Variants in AFF1 observed in about 807,000 individuals in gnomAD.
AFF1 encodes the protein ALF transcription elongation factor 1, also known as AF4/FMR2 family member 1.
Under a neutral mutation model 121.7 loss-of-function variants are expected in AFF1, and 48 were observed. That is an observed-to-expected ratio of 0.39 (90% CI 0.31 to 0.50). The LOEUF is 0.50. Among genes scored for constraint, AFF1 ranks in the 20% least tolerant of loss-of-function variants. The pLI, the probability that AFF1 is intolerant of heterozygous loss-of-function variation, is 0.76. For synonymous variants in AFF1, 613 were observed against 563.0 expected (o/e 1.09, Z -1.26); for missense variants, 1,523 against 1,511.7 (o/e 1.01, Z -0.12).
chr4:87,065,759 A>C (rs966924854), intron 4 of AFF1, among the ~76,000 whole-genome samples: 5 of 150,552 alleles, frequency 3.3e-5, no homozygotes, highest in Admixed American at 1.3e-4. Context: ...CCTTGTGCTT[A>C]AAGAACTTAA....
Position 87,018,429 on chromosome 4 carries a change from C to T in AFF1, c.39-27737C>T, listed in dbSNP as rs546596964. On this transcript the variant is annotated intron_variant, in intron 2 of 20. Transcript: ENST00000395146. ...CCAGGAGAACCTCTGAGGAGGGTTA[C>T]CTGAGGCAGAGAAAGAGCAAGCCAT... Among the ~76,000 whole-genome samples, 5 of 152,258 alleles carry T rather than the reference C, an allele frequency of 3.3e-5. No homozygotes were observed. In the South Asian group the frequency reaches 1.0e-3, roughly 32 times the overall value.
rs1729585081 is a variant in AFF1 at position 87,139,854 on chromosome 4, T to C, written c.*4153T>C. 1 of 224,296 alleles carries C rather than the reference T, an allele frequency of 4.5e-6. No individual in the cohort carries two copies. The highest frequency in any genetic ancestry group is 1.8e-4 in the South Asian group (1 of 5,436). 13.9% of individuals were successfully genotyped at this position (224,296 alleles called of 1,614,324 possible). ...GTTGGTTTCTCGGTGACTTGGAGTG[T>C]TCATCTCTTCATGAATTGTGAGCAC... On this transcript the variant is annotated 3_prime_UTR_variant, in exon 21 of 21. Transcript: ENST00000395146.
At chr4:87,063,794 A>G (rs747919885) in intron 4 of AFF1, among the ~76,000 whole-genome samples, 1 of 152,140 alleles carries the variant, frequency 6.6e-6, no homozygotes, top group Non-Finnish European at 1.5e-5. Context: ...CCTTTCCTTG[A>G]CATATTGTGT....
At position 87,138,500 on chromosome 4, in the gene AFF1, TGTGTGTG is replaced by T. The variant is rs1729475057; in HGVS notation, c.*2800_*2806del. 3 of 174,672 alleles carry T rather than the reference TGTGTGTG, an allele frequency of 1.7e-5. No homozygotes were observed. The South Asian group carries it at 6.4e-4, about 37-fold the overall frequency. The allele number at this position is 174,672 out of a possible 1,614,324, so 10.8% of individuals were successfully genotyped here. On this transcript the variant is annotated 3_prime_UTR_variant, in exon 21 of 21. Coordinates refer to ENST00000395146, the MANE Select transcript of AFF1 (RefSeq NM_001166693.3). ...CCTTTGGCACTACAAGGTGTGTGTG[TGTGTGTG>T]TGTGTGTGTGTGTGTCTTTAGTAGG...
chr4:87,022,618 G>C, intron 2 of AFF1, among the ~76,000 whole-genome samples: 1 of 115,312 alleles, frequency 8.7e-6, no homozygotes, highest in Non-Finnish European at 2.0e-5. Context: ...ATATATCTGT[G>C]TGTGTATATA....
rs919201887 is a variant in AFF1, at chr4:87,139,344, T to TTTTTGTTTTG, written c.*3663_*3672dup. The TTTTTGTTTTG allele has an allele frequency of 4.3e-6, 1 of 233,220 alleles. No individual in the cohort carries two copies. The highest frequency in any genetic ancestry group is 6.0e-5 in the East Asian group (1 of 16,556). The allele number at this position is 233,220 out of a possible 1,614,324, so 14.4% of individuals were successfully genotyped here. Reference sequence around the variant, plus strand: ...AGGCTGGGCTTTCGGGTTTTTTTGTTTTTTGTTTTGTTTTGTTTTGTTTTG... The same window carrying TTTTTGTTTTG: ...AGGCTGGGCTTTCGGGTTTTTTTGTTTTTTGTTTTGTTTTGTTTTGTTTTGTTTTGTTTTG... On this transcript the variant is annotated 3_prime_UTR_variant, in exon 21 of 21. Coordinates refer to ENST00000395146, the MANE Select transcript of AFF1 (RefSeq NM_001166693.3).
rs2149811542 is a variant in AFF1 at position 87,137,930 on chromosome 4, G to A, written c.*2229G>A. On this transcript the variant is annotated 3_prime_UTR_variant, in exon 21 of 21. Transcript: ENST00000395146. ...TGCCAGAGCATGTGCGTGTTCTGTTGGCAAGCCACAGTGCTCCCTTGACTG... is the reference window on the plus strand; with the variant it reads ...TGCCAGAGCATGTGCGTGTTCTGTTAGCAAGCCACAGTGCTCCCTTGACTG... 4.3e-6 allele frequency: 1 copy of A among 231,920 alleles called. No individual in the cohort carries two copies. 14.4% of individuals were successfully genotyped at this position (231,920 alleles called of 1,614,324 possible).
chr4:87,010,856 A>G (rs1385588794), intron 2 of AFF1, among the ~76,000 whole-genome samples: 2 of 152,160 alleles, frequency 1.3e-5, no homozygotes, highest in Admixed American at 1.3e-4. Context: ...TGGGAGGCCG[A>G]GGCAGGCGGA....
At chr4:87,046,442 A>G (rs544685060) in intron 3 of AFF1, among the ~76,000 whole-genome samples, 156 bp downstream of exon 3, 1 of 152,370 alleles carries the variant, frequency 6.6e-6, no homozygotes, top group Non-Finnish European at 1.5e-5. Context: ...AAAACAAAGT[A>G]TGAAAATTCT....
chr4:86,995,271 CCCCTCCCCCTCTCCCTCCCCCTCT>C (rs371586399), intron 2 of AFF1, among the ~76,000 whole-genome samples: 1 of 92,438 alleles, frequency 1.1e-5, no homozygotes, highest in African/African-American at 3.7e-5. Flanking sequence ...TACCCCCTTC[CCCCTCCCCCTCTCCCTCCCCCTCT>C]CCCTCCCTCC....
At chr4:87,040,298 G>A (rs1730005860) in intron 2 of AFF1, among the ~76,000 whole-genome samples, 1 of 152,062 alleles carries the variant, frequency 6.6e-6, no homozygotes, top group South Asian at 2.1e-4. Flanking sequence ...GTGTGGATCA[G>A]TTTAACCAAA....
chr4:87,016,443 C>G (rs1398863087), intron 2 of AFF1, among the ~76,000 whole-genome samples: 3 of 150,714 alleles, frequency 2.0e-5, no homozygotes, highest in Non-Finnish European at 4.4e-5. Context: ...CCCAGCTACT[C>G]GGGAGACTGA....
chr4:87,100,390 G>C (rs1387804774), intron 8 of AFF1, among the ~76,000 whole-genome samples: 1 of 152,014 alleles, frequency 6.6e-6, no homozygotes, highest in African/African-American at 2.4e-5. Flanking sequence ...GGCAGGCTTG[G>C]CCTCCCTGCT....
intron 2 of AFF1, among the ~76,000 whole-genome samples, chr4:86,980,956 C>A (rs867095796): frequency 7.1e-6 from 1 of 140,796 alleles, no homozygotes; most frequent in Non-Finnish European, 1.6e-5. Context: ...CACCCCCCCC[C>A]TCCACCAAAA....
At position 87,115,222 on chromosome 4, in the gene AFF1, C is replaced by T; in HGVS notation, c.2389C>T (p.Gln797Ter). The T allele has an allele frequency of 6.2e-7, 1 of 1,614,166 alleles. No homozygotes were observed. Among genetic ancestry groups the T allele is most frequent in the Non-Finnish European group, 8.5e-7 (1 of 1,180,034 alleles). Reference protein sequence around the residue: ...GSRQRKAEDKQPPAGKKHSSE... With the variant: ...GSRQRKAEDK ...CCGCCAGAGGAAAGCAGAAGATAAA[C>T]AGCCGCCCGCAGGGAAGAAGCACAG... Residue 797 changes from glutamine (Q) to a stop codon, truncating the protein, a stop_gained, in exon 12 of 21, where the codon CAG becomes TAG. Coordinates refer to ENST00000395146, the MANE Select transcript of AFF1 (RefSeq NM_001166693.3). LOFTEE classifies it high-confidence loss of function.
At chr4:87,020,062 C>G (rs981706276) in intron 2 of AFF1, among the ~76,000 whole-genome samples, 4 of 152,200 alleles carry the variant, frequency 2.6e-5, no homozygotes, top group African/African-American at 9.7e-5. Flanking sequence ...AAAACAGCAC[C>G]TTTTTCTCAA....
intron 4 of AFF1, among the ~76,000 whole-genome samples, chr4:87,059,319 TCA>T (rs1415769578): frequency 6.6e-6 from 1 of 152,238 alleles, no homozygotes; most frequent in East Asian, 1.9e-4. Flanking sequence ...CTGTATCACT[TCA>T]CACACAGAAT....
chr4:87,111,786 T>C (rs1435083591), intron 11 of AFF1, among the ~76,000 whole-genome samples: 4 of 152,362 alleles, frequency 2.6e-5, no homozygotes, highest in South Asian at 4.1e-4. Flanking sequence ...TCCCCTTGTC[T>C]GGCACAACTA....
intron 4 of AFF1, among the ~76,000 whole-genome samples, chr4:87,065,552 A>T (rs1271907608): frequency 6.6e-6 from 1 of 152,232 alleles, no homozygotes. Context: ...GATCTAAAAA[A>T]ATAGTACAAG....
Sources: allele counts gnomAD v4.1 joint callset (sites outside exome capture counted in the v4.1 genomes callset), GRCh38; gene constraint gnomAD v4.1.1; transcripts MANE v1.5; gene names NCBI Gene and HGNC (gene_info 2026-07-23, HGNC 2026-07-21).